SHOC2: variants seen among roughly 807,000 people sequenced by gnomAD.
SHOC2 encodes the protein SHOC2 leucine rich repeat scaffold protein.
A neutral mutation model predicts 50.2 loss-of-function variants in SHOC2; 4 were observed. The ratio of observed to expected loss-of-function variants is 0.08; its 90% confidence interval spans 0.04 to 0.18. The LOEUF (loss-of-function observed/expected upper bound fraction) is 0.18. SHOC2 is among the 10% of genes least tolerant of loss of function. The probability of loss-of-function intolerance (pLI) is 1.00; values close to 1 mark genes in which losing one functional copy is unlikely to be tolerated. For synonymous variants in SHOC2, 218 were observed against 244.5 expected, an observed-to-expected ratio of 0.89 and a Z score of 1.01; for missense variants, 388 against 669.6, an observed-to-expected ratio of 0.58 and a Z score of 4.64.
chr10:110,988,898 C>T (rs1041905830), intron 3 of SHOC2: 2 of 465,808 alleles, frequency 4.3e-6, no homozygotes, highest in Non-Finnish European at 8.8e-6. Context: ...TCTAATTTAC[C>T]CTTTTGTTTC....
chr10:110,967,864 A>G (rs1183829483), intron 2 of SHOC2, among the ~76,000 whole-genome samples: 2 of 152,164 alleles, frequency 1.3e-5, no homozygotes, highest in East Asian at 3.8e-4. Context: ...TTATTTATGC[A>G]TTTATCAGTT....
chr10:110,996,155 T>G (rs747038047), intron 3 of SHOC2, among the ~76,000 whole-genome samples: 1 of 152,082 alleles, frequency 6.6e-6, no homozygotes, highest in Non-Finnish European at 1.5e-5. Context: ...GCTTGATGGG[T>G]GGAGGTATAT....
intron 2 of SHOC2, among the ~76,000 whole-genome samples, chr10:110,971,233 T>A (rs1460621623): frequency 1.3e-5 from 2 of 152,186 alleles, no homozygotes; most frequent in African/African-American, 2.4e-5. Context: ...TTGTATATAG[T>A]GAGAGATAGG....
At chr10:110,932,110 G>A (rs750475279) in intron 1 of SHOC2, among the ~76,000 whole-genome samples, 1 of 152,198 alleles carries the variant, frequency 6.6e-6, no homozygotes, top group Non-Finnish European at 1.5e-5. Flanking sequence ...TTGTAAATCT[G>A]TGTTTCTGGC....
At position 110,968,004 on chromosome 10, in the gene SHOC2, A is replaced by G. The variant is rs578125505; in HGVS notation, c.703+2943A>G. On this transcript the variant is annotated intron_variant, in intron 2 of 8. Transcript: ENST00000369452. ...ATACCTAGTAGAATTGTTGAGTCAT[A>G]TGGTAACTCTATGTTTAACCTTTTT... 7.9e-5 allele frequency among the ~76,000 whole-genome samples: 12 copies of G among 152,280 alleles called. No homozygotes were observed. In the South Asian group the frequency reaches 2.5e-3, roughly 32 times the overall value.
intron 1 of SHOC2, among the ~76,000 whole-genome samples, chr10:110,949,552 A>G (rs185205378): frequency 1.3e-4 from 20 of 152,280 alleles, no homozygotes; most frequent in African/African-American, 4.8e-4. Context: ...CCAAAACCTT[A>G]GAGGAGGGAA....
At chr10:110,963,242 C>G (rs922890410) in intron 1 of SHOC2, among the ~76,000 whole-genome samples, 1 of 152,104 alleles carries the variant, frequency 6.6e-6, no homozygotes, top group African/African-American at 2.4e-5. Context: ...TTTTACTAAT[C>G]TTTTTGTCCT....
rs567348069 is a variant in SHOC2, at chr10:110,926,465, G to A, written c.-235+6808G>A. Among the ~76,000 whole-genome samples the A allele has an allele frequency of 1.5e-3, 224 of 152,072 alleles. 1 individual carries two copies. The highest frequency in any genetic ancestry group is 2.4e-3 in the Admixed American group (37 of 15,272). Reference sequence around the variant, plus strand: ...TTAATTCAGGCATTTTTATTCTCACGTAGTGCACAATTTTTAAAAGTTTGG... The same window carrying A: ...TTAATTCAGGCATTTTTATTCTCACATAGTGCACAATTTTTAAAAGTTTGG... On this transcript the variant is annotated intron_variant, in intron 1 of 8. Transcript: ENST00000369452.
intron 1 of SHOC2, among the ~76,000 whole-genome samples, chr10:110,946,424 T>G (rs1471700250): frequency 6.6e-6 from 1 of 150,636 alleles, no homozygotes; most frequent in Non-Finnish European, 1.5e-5. Context: ...CAGAAGCCCC[T>G]GCTTTCACAG....
chr10:110,922,096 T>G (rs1426505320), intron 1 of SHOC2, among the ~76,000 whole-genome samples: 3 of 152,266 alleles, frequency 2.0e-5, no homozygotes, highest in Non-Finnish European at 4.4e-5. Flanking sequence ...TTGAAACATT[T>G]CATGTTTAAA....
intron 4 of SHOC2, among the ~76,000 whole-genome samples, chr10:111,002,145 C>T (rs77206063): frequency 2.1e-3 from 322 of 152,226 alleles, no homozygotes; most frequent in African/African-American, 7.3e-3. Flanking sequence ...TTAGGAAATA[C>T]GGATTTTCCT....
chr10:110,946,838 T>G (rs1847254760), intron 1 of SHOC2, among the ~76,000 whole-genome samples: 1 of 152,152 alleles, frequency 6.6e-6, no homozygotes, highest in African/African-American at 2.4e-5. Context: ...TGGGATGGCA[T>G]CAGATTTTTT....
chr10:110,998,133 G>T (rs1848302136), intron 3 of SHOC2, among the ~76,000 whole-genome samples: 1 of 151,764 alleles, frequency 6.6e-6, no homozygotes, highest in Non-Finnish European at 1.5e-5. Flanking sequence ...CCAAGTAGCT[G>T]GGACTATAGG....
At chr10:111,007,429 T>A (rs1564730606) in intron 5 of SHOC2, 102 bp from the exon 6 acceptor site, 1 of 1,311,024 alleles carries the variant, frequency 7.6e-7, no homozygotes, top group East Asian at 2.4e-5. Flanking sequence ...AAAAGGGGAA[T>A]AAGATTTTGT....
chr10:110,950,209 A>G (rs1847324361), intron 1 of SHOC2, among the ~76,000 whole-genome samples: 1 of 152,206 alleles, frequency 6.6e-6, no homozygotes, highest in Admixed American at 6.5e-5. Flanking sequence ...TGCAAAATAT[A>G]AAATTAGCTT....
At chr10:110,931,032 AT>A (rs1846886718) in intron 1 of SHOC2, among the ~76,000 whole-genome samples, 1 of 152,096 alleles carries the variant, frequency 6.6e-6, no homozygotes, top group Admixed American at 6.5e-5. Context: ...TAGAATGTAA[AT>A]TACACGTAAA....
chr10:110,956,662 T>A (rs1564711619), intron 1 of SHOC2, among the ~76,000 whole-genome samples: 1 of 152,212 alleles, frequency 6.6e-6, no homozygotes, highest in East Asian at 1.9e-4. Context: ...AAAATGATAG[T>A]CTTGTATAAA....
intron 3 of SHOC2, among the ~76,000 whole-genome samples, chr10:110,987,018 A>G (rs1848091152): frequency 6.6e-6 from 1 of 152,146 alleles, no homozygotes; most frequent in African/African-American, 2.4e-5. Flanking sequence ...GTGCAGCTCT[A>G]GAGGGTCCCA....
rs547155776 is a variant in SHOC2, at chr10:110,937,029, G to A, written c.-235+17372G>A. ...CTGGGGGCCCGGAAGTGGTAGGGGC[G>A]TCGGAAAGGGTTGGTGTTCATCCGC... On this transcript the variant is annotated intron_variant, in intron 1 of 8. Transcript: ENST00000369452. 32 of 1,481,030 alleles carry A rather than the reference G, an allele frequency of 2.2e-5. 1 individual carries two copies. The South Asian group carries it at 3.4e-4, about 16-fold the overall frequency. 91.7% of individuals were successfully genotyped at this position (1,481,030 alleles called of 1,614,324 possible).
Sources: gnomAD v4.1 joint callset for allele counts (sites outside exome capture counted in the v4.1 genomes callset) on GRCh38, gnomAD v4.1.1 for gene constraint, MANE v1.5 for transcripts, NCBI Gene and HGNC (gene_info 2026-07-23, HGNC 2026-07-21) for gene names.